TUBGCP4: variants seen among roughly 807,000 people sequenced by gnomAD.
TUBGCP4 encodes gamma-tubulin complex component 4.
TUBGCP4 carries 54 observed loss-of-function variants against 91.6 expected under a neutral mutation model. The ratio of observed to expected loss-of-function variants is 0.59; its 90% confidence interval spans 0.47 to 0.74. The LOEUF is 0.74. Among genes scored for constraint, TUBGCP4 ranks in the 30% least tolerant of loss-of-function variants. TUBGCP4 has a pLI of 0.00. For missense variants in TUBGCP4, 593 were observed against 800.9 expected (o/e 0.74, Z 3.13); for synonymous variants, 297 against 302.8 (o/e 0.98, Z 0.20).
At chr15:43,403,033 A>G (rs7180812) in intron 15 of TUBGCP4, 26,569 of 152,238 alleles carry the variant, frequency 0.17, 2,498 homozygotes, top group Middle Eastern at 0.27. Flanking sequence ...AGATGTATCC[A>G]TAGGGAAAAG....
rs771716687 is a variant in TUBGCP4, at chr15:43,377,856, C to G, written c.394C>G (p.Leu132Val). The G allele has an allele frequency of 6.2e-7, 1 of 1,605,484 alleles. No homozygotes were observed. Among genetic ancestry groups the G allele is most frequent in the South Asian group, 1.1e-5 (1 of 88,702 alleles). The change falls in exon 5 of 18, where the codon CTT becomes GTT. Residue 132 changes from leucine to valine, a missense_variant. Leu to Val is a conservative substitution (Grantham distance 32). Transcript: ENST00000564079. ...VNYFLDQFQL[L>V]FPSVMVVVEQ... is the part of the protein sequence containing the mutation. ...ATTCTCTACTTTGCAGTTCCAGCTTCTTTTTCCCTCTGTGATGGTTGTAGT... is the reference window on the plus strand; with the variant it reads ...ATTCTCTACTTTGCAGTTCCAGCTTGTTTTTCCCTCTGTGATGGTTGTAGT...
In TUBGCP4 at chr15:43,408,153, A is replaced by G. The variant is rs2044981497; in HGVS notation, c.*2939A>G. 6.6e-7 allele frequency: 1 copy of G among 1,517,268 alleles called. No homozygotes were observed. Among genetic ancestry groups the G allele is most frequent in the Non-Finnish European group, 9.0e-7 (1 of 1,107,668 alleles). 94.0% of individuals were successfully genotyped at this position (1,517,268 alleles called of 1,614,324 possible). ...ATATCCAACAAACTGCCTTTCTGCAAAGGGACTCATGTACATCTGAATGCT... is the reference window on the plus strand; with the variant it reads ...ATATCCAACAAACTGCCTTTCTGCAGAGGGACTCATGTACATCTGAATGCT... On this transcript the variant is annotated 3_prime_UTR_variant, in exon 18 of 18. Coordinates refer to ENST00000564079, the MANE Select transcript of TUBGCP4 (RefSeq NM_014444.5).
chr15:43,380,020 A>G, intron 5 of TUBGCP4, 64 bp from the exon 6 acceptor site: 1 of 1,499,566 alleles, frequency 6.7e-7, no homozygotes, highest in Non-Finnish European at 9.3e-7. Flanking sequence ...AATATGGAAT[A>G]AGAATGTGTC....
intron 1 of TUBGCP4, among the ~76,000 whole-genome samples, chr15:43,372,311 A>G (rs1394359275): frequency 2.0e-5 from 3 of 152,206 alleles, no homozygotes; most frequent in African/African-American, 7.2e-5. Context: ...AGACTGTGGA[A>G]GAGCAGAAAA....
Position 43,397,292 on chromosome 15 carries a change from C to T in TUBGCP4, c.1250C>T (p.Thr417Ile), listed in dbSNP as rs753189918. 6.2e-7 allele frequency: 1 copy of T among 1,614,116 alleles called. No homozygotes were observed. The highest frequency in any genetic ancestry group is 1.3e-5 in the African/African-American group (1 of 75,038). Residue 417 changes from threonine (T) to isoleucine (I), a missense_variant, in exon 12 of 18, where the codon ACA becomes ATA. Coordinates refer to ENST00000564079, the MANE Select transcript of TUBGCP4 (RefSeq NM_014444.5). ...AACCTTCTCCCTCTGTTGCACTTGA[C>T]AATCGAGTATCACGGAAAGGAGCAC... ...DDNLLPLLHL[T>I]IEYHGKEHKD...
chr15:43,386,815 A>T (rs2044383427), intron 9 of TUBGCP4, among the ~76,000 whole-genome samples: 1 of 152,064 alleles, frequency 6.6e-6, no homozygotes, highest in African/African-American at 2.4e-5. Flanking sequence ...CGAGCTTGGA[A>T]AGAAATGTTG....
In TUBGCP4 at chr15:43,398,382, T is replaced by TA. The variant is rs3038777; in HGVS notation, c.1418+220dup. 0.038 allele frequency: 10,550 copies of TA among 276,864 alleles called. 27 individuals carry two copies. The highest frequency in any genetic ancestry group is 0.077 in the East Asian group (1,310 of 16,924). The allele number at this position is 276,864 out of a possible 1,614,324, so 17.2% of individuals were successfully genotyped here. A position where few individuals can be genotyped will look rare whatever the true frequency, so the allele number is the denominator to read the frequency against. On this transcript the variant is annotated intron_variant, in intron 13 of 17. Transcript: ENST00000564079. ...GCAACATAGTAAGACCCCCATCTCATAAAAAAAAAAAAAAAAATTAATGGG... is the reference window on the plus strand; with the variant it reads ...GCAACATAGTAAGACCCCCATCTCATAAAAAAAAAAAAAAAAAATTAATGGG...
rs200034359 is a variant in TUBGCP4 at position 43,409,625 on chromosome 15, G to A, written c.*4411G>A. On this transcript the variant is annotated 3_prime_UTR_variant, in exon 18 of 18. Coordinates refer to ENST00000564079, the MANE Select transcript of TUBGCP4 (RefSeq NM_014444.5). The stretch of plus-strand genomic sequence containing the variant: ...GCTCTTATCATTGCCACTATATTAG[G>A]TTACACAAAGAAACTCCTCACCTGG... 7 of 1,388,730 alleles carry A rather than the reference G, an allele frequency of 5.0e-6. No individual in the cohort carries two copies. Among genetic ancestry groups the A allele is most frequent in the South Asian group, 1.4e-5 (1 of 71,614 alleles). 86.0% of individuals were successfully genotyped at this position (1,388,730 alleles called of 1,614,324 possible). A position where few individuals can be genotyped will look rare whatever the true frequency, so the allele number is the denominator to read the frequency against.
chr15:43,395,510 C>A, intron 10 of TUBGCP4, 73 bp from the exon 11 acceptor site: 1 of 1,081,162 alleles, frequency 9.2e-7, no homozygotes, highest in South Asian at 1.3e-5. Context: ...TTACTGTATA[C>A]ATGTAATTCC....
At chr15:43,384,366 G>A (rs905610550) in intron 7 of TUBGCP4, among the ~76,000 whole-genome samples, 1 of 152,108 alleles carries the variant, frequency 6.6e-6, no homozygotes, top group Non-Finnish European at 1.5e-5. Flanking sequence ...ACTAAATATG[G>A]GTATTCTTGG....
At chr15:43,392,036 T>C (rs902554508) in intron 9 of TUBGCP4, among the ~76,000 whole-genome samples, 3 of 147,280 alleles carry the variant, frequency 2.0e-5, no homozygotes, top group Non-Finnish European at 3.0e-5. Context: ...GCCTGGACAA[T>C]AGAGTAAGAC....
At position 43,407,306 on chromosome 15, in the gene TUBGCP4, C is replaced by A; in HGVS notation, c.*2092C>A. The A allele has an allele frequency of 7.7e-7, 1 of 1,302,542 alleles. No individual in the cohort carries two copies. The highest frequency in any genetic ancestry group is 1.3e-5 in the South Asian group (1 of 76,102). 80.7% of individuals were successfully genotyped at this position (1,302,542 alleles called of 1,614,324 possible). ...GATCCATGCAAGGAATCCAGTTACA[C>A]ACAAGACACATTTAAAACCTGGTTA... On this transcript the variant is annotated 3_prime_UTR_variant, in exon 18 of 18. Transcript: ENST00000564079.
In TUBGCP4 at chr15:43,397,483, T is replaced by G. The variant is rs561689260; in HGVS notation, c.1279+162T>G. Reference sequence around the variant, plus strand: ...AGAGAAGAAAAGGAAAGTCCAGAAGTCCAGAGAGGCTAAGTGAGATGCCCA... The same window carrying G: ...AGAGAAGAAAAGGAAAGTCCAGAAGGCCAGAGAGGCTAAGTGAGATGCCCA... On this transcript the variant is annotated intron_variant, in intron 12 of 17. Transcript: ENST00000564079. Among the ~76,000 whole-genome samples the G allele has an allele frequency of 3.3e-5, 5 of 152,166 alleles. No individual in the cohort carries two copies. The East Asian group carries it at 5.8e-4, about 18-fold the overall frequency.
At chr15:43,388,280 A>G (rs2044413488) in intron 9 of TUBGCP4, among the ~76,000 whole-genome samples, 1 of 152,138 alleles carries the variant, frequency 6.6e-6, no homozygotes, top group Admixed American at 6.5e-5. Flanking sequence ...TCAAATCTCC[A>G]TGGGTTAGAA....
At chr15:43,386,619 C>T (rs1414590721) in intron 9 of TUBGCP4, among the ~76,000 whole-genome samples, 3 of 144,926 alleles carry the variant, frequency 2.1e-5, no homozygotes, top group East Asian at 2.0e-4. Context: ...CAGCTACTTA[C>T]GAGGCTGAGG....
chr15:43,403,916 A>G, intron 16 of TUBGCP4, 117 bp downstream of exon 16: 1 of 717,142 alleles, frequency 1.4e-6, no homozygotes, highest in Non-Finnish European at 2.4e-6. Flanking sequence ...ACACACGTAC[A>G]GAGATAAGAT....
intron 9 of TUBGCP4, among the ~76,000 whole-genome samples, chr15:43,393,751 C>T (rs1447579220): frequency 6.6e-6 from 1 of 152,112 alleles, no homozygotes; most frequent in African/African-American, 2.4e-5. Context: ...CCAGTTTCAT[C>T]CATGTCCCTA....
chr15:43,400,885 TC>T (rs1595499321), intron 14 of TUBGCP4, among the ~76,000 whole-genome samples: 1 of 150,828 alleles, frequency 6.6e-6, no homozygotes, highest in East Asian at 2.0e-4. Context: ...GCCATTGCAC[TC>T]CAGCCTGGGC....
At chr15:43,399,511 AT>A (rs967839655) in intron 13 of TUBGCP4, among the ~76,000 whole-genome samples, 3 of 152,024 alleles carry the variant, frequency 2.0e-5, no homozygotes, top group Admixed American at 6.6e-5. Flanking sequence ...CACCTGGCTA[AT>A]TTTTTTAATT....
Sources: allele counts gnomAD v4.1 joint callset (sites outside exome capture counted in the v4.1 genomes callset), GRCh38; gene constraint gnomAD v4.1.1; transcripts MANE v1.5; gene names NCBI Gene and HGNC (gene_info 2026-07-23, HGNC 2026-07-21).